LPP: variants seen among roughly 807,000 people sequenced by gnomAD.
LPP encodes LIM domain containing preferred translocation partner in lipoma.
Under a neutral mutation model 60.4 loss-of-function variants are expected in LPP, and 38 were observed. The observed-to-expected ratio is 0.63, with a 90% CI of 0.49 to 0.83. The LOEUF is 0.83. LPP is among the 40% of genes least tolerant of loss of function. The pLI is 0.00. For synonymous variants in LPP, 328 were observed against 290.8 expected (o/e 1.13, Z -1.30); for missense variants, 902 against 783.6 (o/e 1.15, Z -1.80).
At chr3:188,202,475 T>A (rs1731349172) in intron 1 of LPP, among the ~76,000 whole-genome samples, 1 of 152,220 alleles carries the variant, frequency 6.6e-6, no homozygotes, top group Admixed American at 6.5e-5. Context: ...CCATAAGCCA[T>A]GAGGCATGTA....
chr3:188,322,951 G>A (rs12696582), intron 2 of LPP, among the ~76,000 whole-genome samples: 22,349 of 152,146 alleles, frequency 0.15, 1,875 homozygotes, highest in East Asian at 0.34. Context: ...TGGACCAATA[G>A]TCATCTTCCA....
chr3:188,371,627 ATATATATATATATATTTTTTTTTTTTT>A (rs1773126651), intron 3 of LPP, among the ~76,000 whole-genome samples: 1 of 24,310 alleles, frequency 4.1e-5, no homozygotes, highest in Admixed American at 6.8e-4. Context: ...ATATATATAT[ATATATATATATATATTTTTTTTTTTTT>A]TTTTTTTTTT....
intron 5 of LPP, among the ~76,000 whole-genome samples, chr3:188,492,090 A>T (rs1204928651): frequency 6.6e-6 from 1 of 152,176 alleles, no homozygotes. Flanking sequence ...TAACTGCTCG[A>T]CAAAAAAAAG....
At chr3:188,805,792 C>T (rs1370236224) in intron 9 of LPP, among the ~76,000 whole-genome samples, 2 of 151,550 alleles carry the variant, frequency 1.3e-5, no homozygotes, top group African/African-American at 4.8e-5. Context: ...TTTTCATTTT[C>T]ATTCAAGATA....
At chr3:188,421,407 C>G (rs957531242) in intron 4 of LPP, among the ~76,000 whole-genome samples, 1 of 152,124 alleles carries the variant, frequency 6.6e-6, no homozygotes, top group Admixed American at 6.6e-5. Context: ...GGCAATTACT[C>G]TATTCTACCT....
At chr3:188,579,038 A>T (rs1196370217) in intron 6 of LPP, among the ~76,000 whole-genome samples, 1 of 152,180 alleles carries the variant, frequency 6.6e-6, no homozygotes, top group African/African-American at 2.4e-5. Context: ...ACCAAAAAAA[A>T]AGGGGGTAGT....
Position 188,335,450 on chromosome 3 carries a change from G to A in LPP, c.-66-6213G>A, listed in dbSNP as rs575215938. On this transcript the variant is annotated intron_variant, in intron 2 of 11. Coordinates refer to ENST00000617246, the MANE Select transcript of LPP (RefSeq NM_001375462.1). ...TTCAGTTTGCTAGTATTTTGTTGAG[G>A]ATTTTTGCATCTATGTTCATCAGAG... 2.6e-5 allele frequency among the ~76,000 whole-genome samples: 4 copies of A among 152,178 alleles called. No homozygotes were observed. The South Asian group carries it at 6.2e-4, about 24-fold the overall frequency.
intron 3 of LPP, among the ~76,000 whole-genome samples, chr3:188,394,036 G>A (rs912816677): frequency 5.9e-5 from 9 of 152,018 alleles, no homozygotes; most frequent in African/African-American, 2.2e-4. Flanking sequence ...TTTATGATTT[G>A]GCATGAAGAA....
chr3:188,235,057 G>C (rs569926773), intron 2 of LPP, among the ~76,000 whole-genome samples: 1 of 152,222 alleles, frequency 6.6e-6, no homozygotes, highest in Non-Finnish European at 1.5e-5. Flanking sequence ...AAGGAAGAGG[G>C]CATTTTAGGA....
At position 188,880,765 on chromosome 3, in the gene LPP, G is replaced by C. The variant is rs1354839144; in HGVS notation, c.*6286G>C. ...TTCTAAAATCAGTTCTCTACCCTAC[G>C]AATGGAATGTTCTACCAAGAAAGAG... On this transcript the variant is annotated 3_prime_UTR_variant, in exon 12 of 12. Transcript: ENST00000617246. 5 of 182,770 alleles carry C rather than the reference G, an allele frequency of 2.7e-5. No individual in the cohort carries two copies. The Admixed American group carries it at 3.1e-4, about 11-fold the overall frequency. The allele number at this position is 182,770 out of a possible 1,614,324, so 11.3% of individuals were successfully genotyped here. A position where few individuals can be genotyped will look rare whatever the true frequency, so the allele number is the denominator to read the frequency against.
intron 2 of LPP, among the ~76,000 whole-genome samples, chr3:188,235,765 T>G (rs1721670680): frequency 6.6e-6 from 1 of 152,194 alleles, no homozygotes; most frequent in African/African-American, 2.4e-5. Context: ...AGTCTCTTCT[T>G]TAGGCCTCCT....
At chr3:188,157,919 T>C (rs1270871987) in intron 1 of LPP, among the ~76,000 whole-genome samples, 2 of 152,112 alleles carry the variant, frequency 1.3e-5, no homozygotes, top group Non-Finnish European at 2.9e-5. Flanking sequence ...GAGAAGCTGC[T>C]TTATTCTCCA....
intron 3 of LPP, among the ~76,000 whole-genome samples, chr3:188,377,294 C>A (rs9865528): frequency 0.35 from 53,055 of 152,078 alleles, 10,794 homozygotes; most frequent in Middle Eastern, 0.61. Context: ...AATATCCTGC[C>A]GAGTGTTTTC....
At chr3:188,447,607 C>CA (rs59645249) in intron 4 of LPP, among the ~76,000 whole-genome samples, 246 of 114,746 alleles carry the variant, frequency 2.1e-3, no homozygotes, top group African/African-American at 6.9e-3. Flanking sequence ...GAGACTGCCT[C>CA]AAAAAAAAAA....
rs368290830 is a variant in LPP, at chr3:188,234,122, G to A, written c.-67+8595G>A. ...GAAACCCGTTATCTGTACTCTTATG[G>A]AACTTAGTGTAATAGCAAACCCCCA... On this transcript the variant is annotated intron_variant, in intron 2 of 11. Transcript: ENST00000617246. Among the ~76,000 whole-genome samples the A allele has an allele frequency of 1.4e-4, 21 of 152,156 alleles. 1 individual carries two copies. The highest frequency in any genetic ancestry group is 1.2e-3 in the Admixed American group (18 of 15,284).
intron 9 of LPP, among the ~76,000 whole-genome samples, chr3:188,803,895 G>A (rs936387227): frequency 2.0e-5 from 3 of 152,050 alleles, no homozygotes; most frequent in South Asian, 4.1e-4. Context: ...AATCTAGGGA[G>A]AAATTACATC....
intron 1 of LPP, among the ~76,000 whole-genome samples, chr3:188,170,038 T>C (rs1412908927): frequency 6.6e-6 from 1 of 152,164 alleles, no homozygotes; most frequent in Admixed American, 6.5e-5. Flanking sequence ...GGGAACAGAA[T>C]AACAGTGAAA....
intron 3 of LPP, among the ~76,000 whole-genome samples, chr3:188,371,454 T>TA (rs1263769271): frequency 1.3e-5 from 2 of 150,794 alleles, no homozygotes; most frequent in Admixed American, 6.6e-5. Context: ...CATGACCAGG[T>TA]ATCAGACATG....
Position 188,250,794 on chromosome 3 carries a change from C to CTTTCTT in LPP, c.-67+25268_-67+25269insTTCTTT, listed in dbSNP as rs1553835809. On this transcript the variant is annotated intron_variant, in intron 2 of 11. Transcript: ENST00000617246. Reference sequence around the variant, plus strand: ...TCTTTCTTTCTTTCTTTCTGTCTTTCTCTTTCTTTCTTTCTCTTTCTTTCT... The same window carrying CTTTCTT: ...TCTTTCTTTCTTTCTTTCTGTCTTTCTTTCTTTCTTTCTTTCTTTCTCTTTCTTTCT... Among the ~76,000 whole-genome samples the CTTTCTT allele has an allele frequency of 4.2e-3, 480 of 114,202 alleles. 8 individuals are homozygous for CTTTCTT. The highest frequency in any genetic ancestry group is 0.015 in the African/African-American group (405 of 26,478). 74.9% of individuals were successfully genotyped at this position (114,202 alleles called of 152,430 possible). A position where few individuals can be genotyped will look rare whatever the true frequency, so the allele number is the denominator to read the frequency against.
Sources: gnomAD v4.1 joint callset for allele counts (sites outside exome capture counted in the v4.1 genomes callset) on GRCh38, gnomAD v4.1.1 for gene constraint, MANE v1.5 for transcripts, NCBI Gene and HGNC (gene_info 2026-07-23, HGNC 2026-07-21) for gene names.